Variants in ZNF354C observed in about 807,000 individuals in gnomAD.
The protein encoded by ZNF354C is KRAB-zinc finger protein synten.
A neutral mutation model predicts 12.4 loss-of-function variants in ZNF354C; 7 were observed. That is an observed-to-expected ratio of 0.56 (90% CI 0.32 to 1.06). The LOEUF (loss-of-function observed/expected upper bound fraction) is 1.06. Ranked by LOEUF, ZNF354C falls within the 50% of genes least tolerant of loss-of-function variation. The pLI is 0.04. For missense variants in ZNF354C, 609 were observed against 658.0 expected (o/e 0.93, Z 0.81); for synonymous variants, 202 against 224.5 (o/e 0.90, Z 0.90).
Position 179,076,568 on chromosome 5 carries a change from C to T in ZNF354C, c.151C>T (p.Leu51=). Residue 51 remains leucine (L), a synonymous_variant, in exon 3 of 5, where the codon CTG becomes TTG. Coordinates refer to ENST00000315475, the MANE Select transcript of ZNF354C (RefSeq NM_014594.3). Reference sequence around the variant, plus strand: ...GGAGAACTACAGCAGCCTGGTCTCACTGGGTAAGAATTTTTGCCTATGACG... The same window carrying T: ...GGAGAACTACAGCAGCCTGGTCTCATTGGGTAAGAATTTTTGCCTATGACG... ...MLENYSSLVS[L]GIPFSMPKLI... 1 of 1,613,820 alleles carries T rather than the reference C, an allele frequency of 6.2e-7. No individual in the cohort carries two copies. The highest frequency in any genetic ancestry group is 8.5e-7 in the Non-Finnish European group (1 of 1,179,920).
At position 179,076,568 on chromosome 5, in the gene ZNF354C, CT is replaced by C; in HGVS notation, c.152del (p.Leu51ArgfsTer10). On this transcript the variant is annotated frameshift_variant and splice_region_variant, in exon 3 of 5. Transcript: ENST00000315475. LOFTEE classifies it high-confidence loss of function. ...GGAGAACTACAGCAGCCTGGTCTCA[CT>C]GGGTAAGAATTTTTGCCTATGACGA... ...MLENYSSLVS[L>X]GIPFSMPKLI... 1 of 1,613,820 alleles carries C rather than the reference CT, an allele frequency of 6.2e-7. No individual in the cohort carries two copies. The highest frequency in any genetic ancestry group is 8.5e-7 in the Non-Finnish European group (1 of 1,179,920).
At chr5:179,077,809 C>CTTT (rs1422265959) in intron 4 of ZNF354C, among the ~76,000 whole-genome samples, 13 of 121,306 alleles carry the variant, frequency 1.1e-4, no homozygotes, top group South Asian at 2.9e-4. Flanking sequence ...CCCCCCACTC[C>CTTT]TTTTTTTTTT....
In ZNF354C at chr5:179,079,363, C is replaced by A; in HGVS notation, c.931C>A (p.Gln311Lys). Residue 311 changes from glutamine to lysine, a missense_variant, in exon 5 of 5, where the codon CAG becomes AAG. Physicochemically the swap from Gln to Lys is moderately conservative, Grantham distance 53. Coordinates refer to ENST00000315475, the MANE Select transcript of ZNF354C (RefSeq NM_014594.3). The surrounding 1 kb of genome is among the most constrained non-coding windows in gnomAD (Gnocchi z 4.2). Reference sequence around the variant, plus strand: ...TAGGGAATGTGGTAAAGCCTTTAGCCAGTGTTCAACCCTCACTGTACATCA... The same window carrying A: ...TAGGGAATGTGGTAAAGCCTTTAGCAAGTGTTCAACCCTCACTGTACATCA... The part of the protein sequence containing the change: ...RCRECGKAFS[Q>K]CSTLTVHQRI... 1 of 1,614,054 alleles carries A rather than the reference C, an allele frequency of 6.2e-7. No homozygotes were observed. Among genetic ancestry groups the A allele is most frequent in the Non-Finnish European group, 8.5e-7 (1 of 1,180,014 alleles).
chr5:179,079,453 GCAAAACTTCA>G lies in ZNF354C; in HGVS notation c.1024_1033del (p.Lys342GlyfsTer27). ...ATGTGAGAAGGCCTTCAACTGTAGAGCAAAACTTCACAGGCATCAAAGAATCCATACAGGT... is the reference window on the plus strand; with the variant it reads ...ATGTGAGAAGGCCTTCAACTGTAGAGCAGGCATCAAAGAATCCATACAGGT... On this transcript the variant is annotated frameshift_variant, in exon 5 of 5. Transcript: ENST00000315475. LOFTEE classifies it low-confidence loss of function (END_TRUNC). This position sits in a 1 kb window ranked among gnomAD's most constrained non-coding sequence, Gnocchi z 4.2. The G allele has an allele frequency of 6.2e-7, 1 of 1,613,668 alleles. No individual in the cohort carries two copies. Among genetic ancestry groups the G allele is most frequent in the Non-Finnish European group, 8.5e-7 (1 of 1,179,950 alleles).
At position 179,081,511 on chromosome 5, in the gene ZNF354C, C is replaced by T. The variant is rs537654289; in HGVS notation, c.*1414C>T. On this transcript the variant is annotated 3_prime_UTR_variant, in exon 5 of 5. Transcript: ENST00000315475. ...TTAAAAAAAATTCTAATACAATTAG[C>T]TAGACCTTCTGAGAAAAATGTTAGA... is the stretch of plus-strand genomic sequence containing the variant. 1.1e-4 allele frequency: 16 copies of T among 152,006 alleles called. No homozygotes were observed. Among genetic ancestry groups the T allele is most frequent in the African/African-American group, 3.6e-4 (15 of 41,462 alleles). The allele number at this position is 152,006 out of a possible 1,614,324, so 9.4% of individuals were successfully genotyped here.
chr5:179,077,032 T>C, intron 3 of ZNF354C, 39 bp from the exon 4 acceptor site: 2 of 1,569,112 alleles, frequency 1.3e-6, no homozygotes, highest in Non-Finnish European at 1.8e-6. Context: ...TTGGTCTTCA[T>C]GCTATTTGTT....
At position 179,062,225 on chromosome 5, in the gene ZNF354C, G is replaced by A. The variant is rs369298037; in HGVS notation, c.27+130G>A. 3.2e-5 allele frequency: 38 copies of A among 1,170,348 alleles called. No individual in the cohort carries two copies. In the East Asian group the frequency reaches 3.4e-4, roughly 11 times the overall value. 72.5% of individuals were successfully genotyped at this position (1,170,348 alleles called of 1,614,324 possible). On this transcript the variant is annotated intron_variant, in intron 2 of 4. Coordinates refer to ENST00000315475, the MANE Select transcript of ZNF354C (RefSeq NM_014594.3). ...CGATGAAGAATCCGGAACCTCAAAA[G>A]TTTTTCCCAGTGTCTTGGGCTTAGC...
chr5:179,064,573 C>CG lies in ZNF354C; in HGVS notation c.27+2478_27+2479insG, dbSNP rs1428606207. ...CTGGGACTACAGGCGCCCACCACCA[C>CG]ACTGGCTAATTTTTTTTTTTTTTGT... On this transcript the variant is annotated intron_variant, in intron 2 of 4. Coordinates refer to ENST00000315475, the MANE Select transcript of ZNF354C (RefSeq NM_014594.3). Among the ~76,000 whole-genome samples, 5 of 151,786 alleles carry CG rather than the reference C, an allele frequency of 3.3e-5. No homozygotes were observed. The East Asian group carries it at 9.7e-4, about 29-fold the overall frequency.
At chr5:179,071,869 G>A (rs1310881623) in intron 2 of ZNF354C, among the ~76,000 whole-genome samples, 1 of 152,134 alleles carries the variant, frequency 6.6e-6, no homozygotes, top group African/African-American at 2.4e-5. Flanking sequence ...GCCCAAATAA[G>A]AACTGAACAA....
intron 2 of ZNF354C, among the ~76,000 whole-genome samples, chr5:179,074,908 T>C (rs970961682): frequency 2.6e-5 from 4 of 152,162 alleles, no homozygotes; most frequent in Non-Finnish European, 4.4e-5. Flanking sequence ...ATGTACATTA[T>C]AATTATTCGA....
Position 179,078,687 on chromosome 5 carries a change from C to A in ZNF354C, c.255C>A (p.Phe85Leu). 6.3e-7 allele frequency: 1 copy of A among 1,584,704 alleles called. No individual in the cohort carries two copies. The highest frequency in any genetic ancestry group is 1.2e-5 in the South Asian group (1 of 85,524). ...REVPSDTRLG[F>L]KTWLETEALP... Reference sequence around the variant, plus strand: ...AATTCTTCTGATTCATTTTAGGTTTCAAGACTTGGCTTGAAACAGAAGCAT... The same window carrying A: ...AATTCTTCTGATTCATTTTAGGTTTAAAGACTTGGCTTGAAACAGAAGCAT... Residue 85 changes from phenylalanine (F) to leucine (L), a missense_variant, in exon 5 of 5, where the codon TTC becomes TTA. Phe to Leu is a conservative substitution (Grantham distance 22). Transcript: ENST00000315475.
intron 1 of ZNF354C, among the ~76,000 whole-genome samples, chr5:179,061,698 C>G (rs1761896804): frequency 6.6e-6 from 1 of 151,962 alleles, no homozygotes; most frequent in Admixed American, 6.6e-5. Context: ...AGTGGCGCCC[C>G]AGGAGACTGG....
At chr5:179,068,538 GTTTAA>G (rs1164755717) in intron 2 of ZNF354C, among the ~76,000 whole-genome samples, 1 of 151,012 alleles carries the variant, frequency 6.6e-6, no homozygotes, top group Non-Finnish European at 1.5e-5. Flanking sequence ...TTTTTCTGAA[GTTTAA>G]TTTGTTTAAT....
chr5:179,070,793 T>C (rs1024394570), intron 2 of ZNF354C, among the ~76,000 whole-genome samples: 2 of 151,352 alleles, frequency 1.3e-5, no homozygotes, highest in African/African-American at 4.9e-5. Context: ...TCTTTCCTTA[T>C]GCAGCACTCT....
chr5:179,077,795 A>G (rs918292351), intron 4 of ZNF354C, among the ~76,000 whole-genome samples: 3 of 147,470 alleles, frequency 2.0e-5, no homozygotes, highest in Non-Finnish European at 3.0e-5. Flanking sequence ...CAAAACCTGA[A>G]TGTCCCCCCA....
chr5:179,062,077 G>C lies in ZNF354C; in HGVS notation c.9G>C (p.Val3=). MA[V]DLLSAQEPVT... is the part of the protein sequence containing the mutation. ...AGACTGAGGAGGAAGGGATGGCTGTGGATCTGCTGTCTGCTCAGGTGAGAG... is the reference window on the plus strand; with the variant it reads ...AGACTGAGGAGGAAGGGATGGCTGTCGATCTGCTGTCTGCTCAGGTGAGAG... The change falls in exon 2 of 5, where the codon GTG becomes GTC. Residue 3 remains valine, a synonymous_variant. Transcript: ENST00000315475. The C allele has an allele frequency of 6.2e-7, 1 of 1,614,188 alleles. No individual in the cohort carries two copies. Among genetic ancestry groups the C allele is most frequent in the East Asian group, 2.2e-5 (1 of 44,878 alleles).
At chr5:179,063,781 T>C (rs1278240386) in intron 2 of ZNF354C, among the ~76,000 whole-genome samples, 1 of 152,238 alleles carries the variant, frequency 6.6e-6, no homozygotes, top group Non-Finnish European at 1.5e-5. Context: ...CAAGACAGTC[T>C]ATACTGTTAG....
In ZNF354C at chr5:179,068,974, C is replaced by T. The variant is rs566425102; in HGVS notation, c.27+6879C>T. The stretch of plus-strand genomic sequence containing the variant: ...ATCTCCCCTTCTTAGAAGCACATGC[C>T]GGTATTAGATTAGGATCCAGCCTAA... On this transcript the variant is annotated intron_variant, in intron 2 of 4. Transcript: ENST00000315475. Among the ~76,000 whole-genome samples the T allele has an allele frequency of 4.6e-5, 7 of 152,258 alleles. No homozygotes were observed. The East Asian group carries it at 1.2e-3, about 25-fold the overall frequency.
Position 179,079,841 on chromosome 5 carries a change from G to GTAAT in ZNF354C, c.1410_1413dup (p.Gln472Ter). 6.2e-7 allele frequency: 1 copy of GTAAT among 1,614,112 alleles called. No homozygotes were observed. The highest frequency in any genetic ancestry group is 8.5e-7 in the Non-Finnish European group (1 of 1,180,012). On this transcript the variant is annotated frameshift_variant, in exon 5 of 5. Coordinates refer to ENST00000315475, the MANE Select transcript of ZNF354C (RefSeq NM_014594.3). LOFTEE classifies it low-confidence loss of function (END_TRUNC). The surrounding 1 kb of genome is among the most constrained non-coding windows in gnomAD (Gnocchi z 4.2). ...CATACTGGAGAGAAACCGTATCAGT[G>GTAAT]TAATCAGTGTGGAAAGGCCTTCAGC...
Sources: gnomAD v4.1 joint callset for allele counts (sites outside exome capture counted in the v4.1 genomes callset) on GRCh38, gnomAD v4.1.1 for gene constraint, Gnocchi (gnomAD v3.1) non-coding constraint, MANE v1.5 for transcripts, NCBI Gene and HGNC (gene_info 2026-07-23, HGNC 2026-07-21) for gene names.